Variants in CDH12 observed in about 807,000 individuals in gnomAD.
CDH12 encodes the protein cadherin 12.
CDH12 carries 41 observed loss-of-function variants against 74.1 expected under a neutral mutation model. The observed-to-expected ratio is 0.55, with a 90% confidence interval of 0.43 to 0.72. CDH12 has a LOEUF of 0.72. Ranked by LOEUF, CDH12 falls within the 30% of genes least tolerant of loss-of-function variation. The pLI is 0.00. For synonymous variants in CDH12, 399 were observed against 355.0 expected, an observed-to-expected ratio of 1.12 and a Z score of -1.39; for missense variants, 945 against 977.2, an observed-to-expected ratio of 0.97 and a Z score of 0.44.
At chr5:22,117,149 T>C (rs1221597436) in intron 4 of CDH12, among the ~76,000 whole-genome samples, 1 of 151,220 alleles carries the variant, frequency 6.6e-6, no homozygotes, top group Non-Finnish European at 1.5e-5. Flanking sequence ...CAGTACACAA[T>C]GAAAGGTAAC....
At chr5:22,400,450 A>G (rs1405331120) in intron 3 of CDH12, among the ~76,000 whole-genome samples, 2 of 151,416 alleles carry the variant, frequency 1.3e-5, no homozygotes, top group Non-Finnish European at 2.9e-5. Flanking sequence ...GTGCTTGCAG[A>G]GATTTTTTTT....
In CDH12 at chr5:22,525,640, T is replaced by C. The variant is rs115554129; in HGVS notation, c.-522-20276A>G. On this transcript the variant is annotated intron_variant, in intron 1 of 14. Coordinates refer to ENST00000382254, the MANE Select transcript of CDH12 (RefSeq NM_004061.5). ...CTGGAATGTAACTCCCCACACCTCATTTCCAATTTTTCTCTCTTTCTCCCC... is the reference window on the plus strand; with the variant it reads ...CTGGAATGTAACTCCCCACACCTCACTTCCAATTTTTCTCTCTTTCTCCCC... Among the ~76,000 whole-genome samples the C allele has an allele frequency of 8.4e-3, 1,274 of 152,288 alleles. 12 individuals are homozygous for C. The highest frequency in any genetic ancestry group is 0.03 in the African/African-American group (1,227 of 41,562).
intron 1 of CDH12, among the ~76,000 whole-genome samples, chr5:22,651,293 A>G (rs975230809): frequency 1.3e-5 from 2 of 152,066 alleles, no homozygotes; most frequent in Admixed American, 6.6e-5. Context: ...GATGGCTGAT[A>G]TATTAGTCCA....
chr5:22,066,074 T>A (rs926890583), intron 5 of CDH12, among the ~76,000 whole-genome samples: 2 of 152,120 alleles, frequency 1.3e-5, no homozygotes, highest in African/African-American at 2.4e-5. Context: ...AGACCCAAAA[T>A]CCCTTGAATG....
chr5:22,298,322 C>T (rs1172259347), intron 3 of CDH12, among the ~76,000 whole-genome samples: 2 of 151,618 alleles, frequency 1.3e-5, no homozygotes, highest in Non-Finnish European at 2.9e-5. Context: ...ATATAACCAA[C>T]TGGTGGTATG....
At chr5:21,752,267 A>C in intron 14 of CDH12, 31 bp from the exon 15 acceptor site, 1 of 1,552,148 alleles carries the variant, frequency 6.4e-7, no homozygotes, top group Non-Finnish European at 8.7e-7. Flanking sequence ...CAATTTGAGA[A>C]TAGAAAGCAG....
At chr5:22,350,952 T>C (rs1740333622) in intron 3 of CDH12, among the ~76,000 whole-genome samples, 1 of 152,198 alleles carries the variant, frequency 6.6e-6, no homozygotes, top group Admixed American at 6.5e-5. Flanking sequence ...CTAATACATG[T>C]AGTTTCAAAA....
chr5:22,546,708 G>C (rs1738348396), intron 1 of CDH12, among the ~76,000 whole-genome samples: 1 of 151,940 alleles, frequency 6.6e-6, no homozygotes, highest in Non-Finnish European at 1.5e-5. Context: ...AAGAAGAATG[G>C]GCATGTTCTG....
At chr5:21,904,658 T>C (rs2150057410) in intron 6 of CDH12, among the ~76,000 whole-genome samples, 2 of 152,218 alleles carry the variant, frequency 1.3e-5, no homozygotes, top group East Asian at 3.9e-4. Flanking sequence ...CATGTGCCTG[T>C]AGTCCTAGCT....
At chr5:22,805,941 G>T (rs955147575) in intron 1 of CDH12, among the ~76,000 whole-genome samples, 2 of 152,088 alleles carry the variant, frequency 1.3e-5, no homozygotes, top group Non-Finnish European at 1.5e-5. Context: ...AGTTTGCTGA[G>T]AATGATGGTT....
chr5:22,354,614 G>A (rs921785448), intron 3 of CDH12, among the ~76,000 whole-genome samples: 1 of 152,108 alleles, frequency 6.6e-6, no homozygotes, highest in Non-Finnish European at 1.5e-5. Flanking sequence ...AGGATCTGCT[G>A]GGGAGAAGGG....
chr5:21,820,206 A>G (rs1036520757), intron 8 of CDH12, among the ~76,000 whole-genome samples: 3 of 152,006 alleles, frequency 2.0e-5, no homozygotes, highest in African/African-American at 7.2e-5. Context: ...TTTATGTTCT[A>G]TAAAAGAACA....
chr5:22,095,655 C>G (rs1051493528), intron 4 of CDH12, among the ~76,000 whole-genome samples: 2 of 151,488 alleles, frequency 1.3e-5, no homozygotes, highest in African/African-American at 4.9e-5. Flanking sequence ...TTCTAGGGGG[C>G]AAGAACCCCC....
chr5:22,460,745 T>C (rs1745474104), intron 2 of CDH12, among the ~76,000 whole-genome samples: 1 of 126,266 alleles, frequency 7.9e-6, no homozygotes, highest in African/African-American at 2.8e-5. Context: ...TTTTAGACGA[T>C]GTCTTCCTCT....
chr5:22,371,459 T>C (rs556938948), intron 3 of CDH12, among the ~76,000 whole-genome samples: 1 of 152,306 alleles, frequency 6.6e-6, no homozygotes, highest in Admixed American at 6.5e-5. Context: ...AAGGCCATCT[T>C]ACTTCTCTGT....
intron 5 of CDH12, among the ~76,000 whole-genome samples, chr5:21,998,404 A>C (rs942404603): frequency 3.9e-5 from 6 of 152,202 alleles, no homozygotes; most frequent in African/African-American, 1.4e-4. Flanking sequence ...TCCACCACAG[A>C]TCATGTGTAG....
intron 1 of CDH12, among the ~76,000 whole-genome samples, chr5:22,771,849 C>G (rs1214474329): frequency 1.3e-5 from 2 of 152,064 alleles, no homozygotes; most frequent in East Asian, 3.9e-4. Context: ...ACTCTGTAGA[C>G]TTTTGACCTG....
At chr5:21,895,689 C>T (rs186085357) in intron 6 of CDH12, among the ~76,000 whole-genome samples, 1 of 152,214 alleles carries the variant, frequency 6.6e-6, no homozygotes, top group Non-Finnish European at 1.5e-5. Flanking sequence ...CACTGCCCCC[C>T]ACCCAGTCAG....
intron 5 of CDH12, among the ~76,000 whole-genome samples, chr5:22,041,541 A>G (rs1383728575): frequency 6.6e-6 from 1 of 152,172 alleles, no homozygotes; most frequent in Non-Finnish European, 1.5e-5. Context: ...AACAAACAAC[A>G]GACTTCATGT....
Sources: allele counts gnomAD v4.1 joint callset (sites outside exome capture counted in the v4.1 genomes callset), GRCh38; gene constraint gnomAD v4.1.1; transcripts MANE v1.5; gene names NCBI Gene and HGNC (gene_info 2026-07-23, HGNC 2026-07-21).